MAPK10: variants seen among roughly 807,000 people sequenced by gnomAD.
The protein encoded by MAPK10 is mitogen-activated protein kinase 10, also known as JNK3 alpha protein kinase.
MAPK10 carries 25 observed loss-of-function variants against 59.3 expected under a neutral mutation model. The ratio of observed to expected loss-of-function variants is 0.42; its 90% CI spans 0.31 to 0.59. The LOEUF (loss-of-function observed/expected upper bound fraction) is 0.59. Ranked by LOEUF, MAPK10 falls within the 20% of genes least tolerant of loss-of-function variation. The pLI is 0.15. For synonymous variants in MAPK10, 190 were observed against 200.5 expected, an observed-to-expected ratio of 0.95 and a Z score of 0.44; for missense variants, 351 against 568.9, an observed-to-expected ratio of 0.62 and a Z score of 3.90.
intron 2 of MAPK10, among the ~76,000 whole-genome samples, chr4:86,262,322 G>A (rs1285968836): frequency 2.0e-5 from 3 of 151,962 alleles, no homozygotes; most frequent in Non-Finnish European, 2.9e-5. Context: ...TGGGTCCCTC[G>A]ACCTCGGATT....
Position 86,170,856 on chromosome 4 carries a change from G to C in MAPK10, c.67-11389C>G, listed in dbSNP as rs866033161. On this transcript the variant is annotated intron_variant, in intron 3 of 13. Transcript: ENST00000641462. ...TCTCCTCAGCAAATGTAAAAGAACA[G>C]AAATTATAACACACTATCTCTCAGA... Among the ~76,000 whole-genome samples the C allele has an allele frequency of 7.5e-3, 1,115 of 149,516 alleles. 15 individuals are homozygous for C. The highest frequency in any genetic ancestry group is 0.027 in the African/African-American group (1,058 of 39,460).
chr4:86,403,120 A>T (rs1387059305), intron 1 of MAPK10, among the ~76,000 whole-genome samples: 2 of 152,210 alleles, frequency 1.3e-5, no homozygotes, highest in South Asian at 2.1e-4. Flanking sequence ...TAATTCAGAA[A>T]CAAGAGATAG....
chr4:86,207,683 GGAA>G (rs2084494367), intron 2 of MAPK10, among the ~76,000 whole-genome samples: 1 of 152,072 alleles, frequency 6.6e-6, no homozygotes, highest in African/African-American at 2.4e-5. Context: ...CCATGAGCAT[GGAA>G]TGTTCTTCCA....
chr4:86,213,379 T>C (rs1235059730), intron 2 of MAPK10, among the ~76,000 whole-genome samples: 1 of 151,788 alleles, frequency 6.6e-6, no homozygotes, highest in Non-Finnish European at 1.5e-5. Flanking sequence ...AAATAGAGAA[T>C]AGAAAAGCAA....
chr4:86,188,588 G>A (rs1414186144), intron 3 of MAPK10, among the ~76,000 whole-genome samples: 1 of 151,942 alleles, frequency 6.6e-6, no homozygotes, highest in Non-Finnish European at 1.5e-5. Flanking sequence ...ATTTTTTGAT[G>A]GGGTTGTTTG....
chr4:86,215,562 T>A (rs1194285601), intron 2 of MAPK10, among the ~76,000 whole-genome samples: 15 of 152,240 alleles, frequency 9.9e-5, no homozygotes, highest in East Asian at 7.7e-4. Flanking sequence ...AATAATTTTT[T>A]TAAAAAATAT....
intron 1 of MAPK10, among the ~76,000 whole-genome samples, chr4:86,424,074 C>T (rs1746938458): frequency 1.3e-5 from 2 of 151,962 alleles, no homozygotes; most frequent in Admixed American, 6.6e-5. Flanking sequence ...TGTTTTAGTC[C>T]ATGGGCTATT....
intron 1 of MAPK10, among the ~76,000 whole-genome samples, chr4:86,568,002 G>A (rs1237139590): frequency 6.6e-6 from 1 of 152,092 alleles, no homozygotes; most frequent in East Asian, 1.9e-4. Context: ...AGAGACAGTC[G>A]AATATCTCTG....
At chr4:86,481,329 T>G (rs562171659) in intron 1 of MAPK10, among the ~76,000 whole-genome samples, 1 of 151,942 alleles carries the variant, frequency 6.6e-6, no homozygotes, top group East Asian at 1.9e-4. Flanking sequence ...TCCTTGAGTT[T>G]AAGGCACCAA....
intron 1 of MAPK10, among the ~76,000 whole-genome samples, chr4:86,479,500 C>G (rs1046921368): frequency 1.4e-4 from 22 of 151,810 alleles, no homozygotes; most frequent in African/African-American, 4.6e-4. Context: ...CTTGTCGTCC[C>G]TACTATCTTC....
intron 1 of MAPK10, among the ~76,000 whole-genome samples, chr4:86,438,056 C>G (rs568944423): frequency 6.6e-6 from 1 of 152,180 alleles, no homozygotes; most frequent in South Asian, 2.1e-4. Flanking sequence ...ATCTATAATG[C>G]TAGGAATTCA....
intron 11 of MAPK10, chr4:86,032,090 C>A (rs2039163792): frequency 6.6e-6 from 1 of 152,138 alleles, no homozygotes; most frequent in African/African-American, 2.4e-5. Context: ...CACCTTGAAT[C>A]CCTGAATGGC....
intron 2 of MAPK10, among the ~76,000 whole-genome samples, chr4:86,306,425 A>G (rs1469759367): frequency 6.6e-6 from 1 of 152,192 alleles, no homozygotes; most frequent in Non-Finnish European, 1.5e-5. Flanking sequence ...TGACTTGCAC[A>G]TTTCTTGCAA....
intron 3 of MAPK10, among the ~76,000 whole-genome samples, chr4:86,170,124 C>A (rs1465414927): frequency 2.6e-5 from 4 of 151,934 alleles, no homozygotes; most frequent in African/African-American, 9.7e-5. Flanking sequence ...ATGTAAAGAC[C>A]ATCGAGACTA....
At chr4:86,443,945 A>G (rs118159752) in intron 1 of MAPK10, among the ~76,000 whole-genome samples, 2 of 152,306 alleles carry the variant, frequency 1.3e-5, no homozygotes, top group East Asian at 1.9e-4. Context: ...AAAGTGCTAG[A>G]GATCAAAAAC....
intron 3 of MAPK10, among the ~76,000 whole-genome samples, chr4:86,187,509 G>A (rs560389510): frequency 6.6e-6 from 1 of 152,150 alleles, no homozygotes; most frequent in South Asian, 2.1e-4. Context: ...TTAATATTTT[G>A]AGGACCACAG....
intron 4 of MAPK10, among the ~76,000 whole-genome samples, chr4:86,135,216 C>G (rs1171294392): frequency 6.6e-6 from 1 of 152,242 alleles, no homozygotes; most frequent in African/African-American, 2.4e-5. Flanking sequence ...CCTCTGGAGG[C>G]TCCACCTCTG....
chr4:86,237,354 C>T (rs574157788), intron 2 of MAPK10, among the ~76,000 whole-genome samples: 2 of 152,046 alleles, frequency 1.3e-5, no homozygotes, highest in Admixed American at 6.6e-5. Context: ...GATTTATATT[C>T]CTTTGGGTAT....
chr4:86,214,511 TAAAAA>T (rs70948783), intron 2 of MAPK10, among the ~76,000 whole-genome samples: 2 of 75,962 alleles, frequency 2.6e-5, no homozygotes, highest in South Asian at 4.6e-4. Context: ...TAAGATTCCT[TAAAAA>T]AAAAAAAAAA....
Sources: allele counts gnomAD v4.1 joint callset (sites outside exome capture counted in the v4.1 genomes callset), GRCh38; gene constraint gnomAD v4.1.1; transcripts MANE v1.5; gene names NCBI Gene and HGNC (gene_info 2026-07-23, HGNC 2026-07-21).